KCNK10: variants seen among roughly 807,000 people sequenced by gnomAD.
The protein encoded by KCNK10 is potassium two pore domain channel subfamily K member 10, also known as potassium channel subfamily K member 10.
KCNK10 carries 25 observed loss-of-function variants against 47.7 expected under a neutral mutation model. The observed-to-expected ratio is 0.52, with a 90% CI of 0.38 to 0.73. The LOEUF (loss-of-function observed/expected upper bound fraction) is 0.73. Ranked by LOEUF, KCNK10 falls within the 30% of genes least tolerant of loss-of-function variation. KCNK10 has a pLI of 0.00. For missense variants in KCNK10, 563 were observed against 714.5 expected, an observed-to-expected ratio of 0.79 and a Z score of 2.42; for synonymous variants, 303 against 285.6, an observed-to-expected ratio of 1.06 and a Z score of -0.61.
chr14:88,283,789 C>CA (rs1887704403), intron 1 of KCNK10, among the ~76,000 whole-genome samples: 1 of 151,994 alleles, frequency 6.6e-6, no homozygotes, highest in African/African-American at 2.4e-5. Flanking sequence ...TGGTGGGCAC[C>CA]TGTAGTCCCA....
chr14:88,236,292 G>A (rs1886298630), intron 3 of KCNK10, among the ~76,000 whole-genome samples: 1 of 150,072 alleles, frequency 6.7e-6, no homozygotes, highest in Non-Finnish European at 1.5e-5. Flanking sequence ...ACTCCAGCCT[G>A]GACAACAGAG....
intron 4 of KCNK10, among the ~76,000 whole-genome samples, chr14:88,193,139 C>T (rs17124229): frequency 2.0e-5 from 3 of 152,150 alleles, no homozygotes; most frequent in Non-Finnish European, 4.4e-5. Context: ...ACAGGGTCCC[C>T]GTCTAAATGG....
Position 88,227,508 on chromosome 14 carries a change from T to C in KCNK10, c.548A>G (p.Glu183Gly). 6.2e-7 allele frequency: 1 copy of C among 1,611,574 alleles called. No individual in the cohort carries two copies. Among genetic ancestry groups the C allele is most frequent in the Non-Finnish European group, 8.5e-7 (1 of 1,179,118 alleles). The change falls in exon 4 of 7, where the codon GAA becomes GGA. Residue 183 changes from glutamate (E) to glycine (G), a missense_variant. Transcript: ENST00000319231. ...IGYGNIAPST[E>G]GGKIFCILYA... The stretch of plus-strand genomic sequence containing the variant: ...TAAAATACAAAAGATTTTGCCTCCT[T>C]CAGTGCTCGGAGCAATATTCCCATA...
chr14:88,227,677 C>G, intron 3 of KCNK10, 142 bp from the exon 4 acceptor site: 1 of 640,482 alleles, frequency 1.6e-6, no homozygotes, highest in Non-Finnish European at 2.5e-6. Context: ...AGGCCCTCTA[C>G]AATTCGCAAC....
chr14:88,181,060 G>T lies in KCNK10; in HGVS notation c.*4475C>A. 2.6e-6 allele frequency: 1 copy of T among 381,196 alleles called. No homozygotes were observed. 23.6% of individuals were successfully genotyped at this position (381,196 alleles called of 1,614,324 possible). A position where few individuals can be genotyped will look rare whatever the true frequency, so the allele number is the denominator to read the frequency against. On this transcript the variant is annotated 3_prime_UTR_variant, in exon 7 of 7. Transcript: ENST00000319231. ...AATGCAACAAGCAGAGATGTGGAATGCAACACTGGCTGGTTTTTCCTTTCT... is the reference window on the plus strand; with the variant it reads ...AATGCAACAAGCAGAGATGTGGAATTCAACACTGGCTGGTTTTTCCTTTCT...
intron 3 of KCNK10, among the ~76,000 whole-genome samples, chr14:88,229,435 A>G (rs10129726): frequency 0.28 from 42,683 of 151,720 alleles, 6,515 homozygotes; most frequent in East Asian, 0.47. Flanking sequence ...ATGCAGGGAG[A>G]AAAAAATCAA....
intron 2 of KCNK10, among the ~76,000 whole-genome samples, chr14:88,249,308 C>T (rs1886728908): frequency 6.6e-6 from 1 of 152,152 alleles, no homozygotes; most frequent in South Asian, 2.1e-4. Context: ...AATTGCAGAC[C>T]TGAATGATAA....
In KCNK10 at chr14:88,182,839, G is replaced by A. The variant is rs141605984; in HGVS notation, c.*2696C>T. The A allele has an allele frequency of 6.6e-6, 1 of 152,362 alleles. No homozygotes were observed. The highest frequency in any genetic ancestry group is 1.9e-4 in the East Asian group (1 of 5,338). The allele number at this position is 152,362 out of a possible 1,614,324, so 9.4% of individuals were successfully genotyped here. A position where few individuals can be genotyped will look rare whatever the true frequency, so the allele number is the denominator to read the frequency against. On this transcript the variant is annotated 3_prime_UTR_variant, in exon 7 of 7. Coordinates refer to ENST00000319231, the MANE Select transcript of KCNK10 (RefSeq NM_138317.3). ...TGCAGAGTTTCTACAAAGTTAGCAA[G>A]TAAAGTGCAAAAGAGTGCTTTCAAA...
intron 2 of KCNK10, among the ~76,000 whole-genome samples, chr14:88,245,788 G>A (rs1886620359): frequency 6.6e-6 from 1 of 152,210 alleles, no homozygotes; most frequent in Non-Finnish European, 1.5e-5. Context: ...TGGATGACCA[G>A]TTGATCTATT....
At chr14:88,301,270 CCAT>C (rs758860713) in intron 1 of KCNK10, among the ~76,000 whole-genome samples, 6 of 152,090 alleles carry the variant, frequency 3.9e-5, no homozygotes, top group South Asian at 4.1e-4. Context: ...GTCATTATCA[CCAT>C]CATCATCATC....
At chr14:88,295,382 C>T (rs1887965365) in intron 1 of KCNK10, among the ~76,000 whole-genome samples, 1 of 152,182 alleles carries the variant, frequency 6.6e-6, no homozygotes. Context: ...TTTAAATTTC[C>T]TTGAGATGGT....
intron 4 of KCNK10, among the ~76,000 whole-genome samples, chr14:88,203,285 T>C (rs1334480253): frequency 6.6e-6 from 1 of 152,262 alleles, no homozygotes; most frequent in African/African-American, 2.4e-5. Context: ...ACCTTCCCAG[T>C]TTGGGTTTCC....
At chr14:88,277,698 G>C (rs1326135558) in intron 1 of KCNK10, among the ~76,000 whole-genome samples, 1 of 152,144 alleles carries the variant, frequency 6.6e-6, no homozygotes, top group African/African-American at 2.4e-5. Flanking sequence ...GTAACACCTA[G>C]GTTTGGGGAA....
rs750637675 is a variant in KCNK10 at position 88,186,126 on chromosome 14, C to T, written c.1041G>A (p.Glu347=). 6.9e-6 allele frequency: 11 copies of T among 1,601,126 alleles called. 2 individuals are homozygous for T. The highest frequency in any genetic ancestry group is 4.1e-4 in the Middle Eastern group (2 of 4,894). The change falls in exon 7 of 7, where the codon GAG becomes GAA. Residue 347 remains glutamate, a synonymous_variant. Coordinates refer to ENST00000319231, the MANE Select transcript of KCNK10 (RefSeq NM_138317.3). The surrounding 1 kb of genome is among the most constrained non-coding windows in gnomAD (Gnocchi z 5.5). The stretch of plus-strand genomic sequence containing the variant: ...ACTCAGCCGTGACATTGGCCTTCCA[C>T]TCTGCCGCATGGGCCTTGATTTCAC... ...EVGEIKAHAA[E]WKANVTAEFR... is the part of the protein sequence containing the mutation.
At chr14:88,241,940 G>A (rs184852027) in intron 2 of KCNK10, among the ~76,000 whole-genome samples, 193 of 152,058 alleles carry the variant, frequency 1.3e-3, no homozygotes, top group African/African-American at 4.3e-3. Flanking sequence ...AGGGAAAAAG[G>A]TAGGACGTGC....
At position 88,192,383 on chromosome 14, in the gene KCNK10, G is replaced by A. The variant is rs747401193; in HGVS notation, c.709C>T (p.Arg237Trp). The change falls in exon 5 of 7, where the codon CGG becomes TGG. Residue 237 changes from arginine (R) to tryptophan (W), a missense_variant. Coordinates refer to ENST00000319231, the MANE Select transcript of KCNK10 (RefSeq NM_138317.3). ...ATGAACAGGATGGTTGAGATGACCCGGATCTTGGTCTGACTCACTTGCTTT... is the reference window on the plus strand; with the variant it reads ...ATGAACAGGATGGTTGAGATGACCCAGATCTTGGTCTGACTCACTTGCTTT... ...RKKQVSQTKI[R>W]VISTILFILA... 7.4e-6 allele frequency: 12 copies of A among 1,613,838 alleles called. No homozygotes were observed. The highest frequency in any genetic ancestry group is 4.5e-5 in the East Asian group (2 of 44,874).
chr14:88,200,592 C>G (rs990962996), intron 4 of KCNK10, among the ~76,000 whole-genome samples: 2 of 152,162 alleles, frequency 1.3e-5, no homozygotes, highest in Non-Finnish European at 2.9e-5. Context: ...CAGAAATAAA[C>G]CCTACACTGG....
Position 88,181,570 on chromosome 14 carries a change from A to G in KCNK10, c.*3965T>C, listed in dbSNP as rs1395678250. 3 of 152,222 alleles carry G rather than the reference A, an allele frequency of 2.0e-5. No individual in the cohort carries two copies. Among genetic ancestry groups the G allele is most frequent in the African/African-American group, 4.8e-5 (2 of 41,396 alleles). 9.4% of individuals were successfully genotyped at this position (152,222 alleles called of 1,614,324 possible). A position where few individuals can be genotyped will look rare whatever the true frequency, so the allele number is the denominator to read the frequency against. ...TTAACACCATGCAAAAAATGCCCTCACAGCATGAGCCCTCCCGGTGACAGT... is the reference window on the plus strand; with the variant it reads ...TTAACACCATGCAAAAAATGCCCTCGCAGCATGAGCCCTCCCGGTGACAGT... On this transcript the variant is annotated 3_prime_UTR_variant, in exon 7 of 7. Coordinates refer to ENST00000319231, the MANE Select transcript of KCNK10 (RefSeq NM_138317.3).
chr14:88,225,063 C>A (rs769857979), intron 4 of KCNK10, among the ~76,000 whole-genome samples: 1 of 152,164 alleles, frequency 6.6e-6, no homozygotes, highest in Non-Finnish European at 1.5e-5. Context: ...ATTCACAACC[C>A]CAAGCTTTGT....
Sources: gnomAD v4.1 joint callset for allele counts (sites outside exome capture counted in the v4.1 genomes callset) on GRCh38, gnomAD v4.1.1 for gene constraint, Gnocchi (gnomAD v3.1) non-coding constraint, MANE v1.5 for transcripts, NCBI Gene and HGNC (gene_info 2026-07-23, HGNC 2026-07-21) for gene names.